The following SHANK2 variants were observed in gnomAD, a reference collection of about 807,000 sequenced individuals.
SHANK2 encodes SH3 and multiple ankyrin repeat domains protein 2.
Under a neutral mutation model 133.7 loss-of-function variants are expected in SHANK2, and 43 were observed. The ratio of observed to expected loss-of-function variants is 0.32; its 90% CI spans 0.25 to 0.41. SHANK2 has a LOEUF of 0.41. Among genes scored for constraint, SHANK2 ranks in the 10% least tolerant of loss-of-function variants. The pLI is 1.00. For missense variants in SHANK2, 1,994 were observed against 2,235.8 expected (o/e 0.89, Z 2.18); for synonymous variants, 1,017 against 952.8 (o/e 1.07, Z -1.24).
At chr11:70,759,121 C>T (rs1048166500) in intron 14 of SHANK2, among the ~76,000 whole-genome samples, 4 of 151,838 alleles carry the variant, frequency 2.6e-5, no homozygotes, top group African/African-American at 9.7e-5. Flanking sequence ...GCCGAGATCA[C>T]GCCACTGCAC....
intron 17 of SHANK2, among the ~76,000 whole-genome samples, chr11:70,549,545 C>T (rs1375831990): frequency 3.3e-5 from 5 of 152,194 alleles, no homozygotes; most frequent in Non-Finnish European, 5.9e-5. Flanking sequence ...CTTTGGTGCT[C>T]GAGGCAGTGT....
At chr11:71,161,951 G>C (rs1401110113) in intron 2 of SHANK2, among the ~76,000 whole-genome samples, 12 of 152,182 alleles carry the variant, frequency 7.9e-5, no homozygotes, top group African/African-American at 2.9e-4. Flanking sequence ...TCCACAGGCA[G>C]GGCAGCATCC....
At chr11:70,919,513 G>T (rs1304322120) in intron 10 of SHANK2, among the ~76,000 whole-genome samples, 1 of 152,008 alleles carries the variant, frequency 6.6e-6, no homozygotes, top group African/African-American at 2.4e-5. Context: ...CTCCCGAATA[G>T]CTGGGACTAA....
chr11:71,142,505 A>AAAAC (rs1177497718), intron 3 of SHANK2, among the ~76,000 whole-genome samples: 31 of 152,264 alleles, frequency 2.0e-4, no homozygotes, highest in Admixed American at 1.8e-3. Context: ...TCTTTCAATA[A>AAAAC]AAACAAACAA....
intron 3 of SHANK2, among the ~76,000 whole-genome samples, chr11:71,130,340 G>C (rs192858114): frequency 6.6e-6 from 1 of 152,202 alleles, no homozygotes; most frequent in Non-Finnish European, 1.5e-5. Context: ...GCGCCGAAAA[G>C]TATCCGGCCT....
At chr11:71,074,969 C>A (rs1951199754) in intron 9 of SHANK2, among the ~76,000 whole-genome samples, 190 bp downstream of exon 9, 1 of 151,962 alleles carries the variant, frequency 6.6e-6, no homozygotes, top group Non-Finnish European at 1.5e-5. Context: ...TTAGTAGAGA[C>A]AGGGTTTCAC....
chr11:70,935,281 C>T (rs1286272733), intron 10 of SHANK2, among the ~76,000 whole-genome samples: 2 of 152,242 alleles, frequency 1.3e-5, no homozygotes, highest in South Asian at 4.2e-4. Context: ...AGATGAAAAA[C>T]ACAGCCCATA....
intron 17 of SHANK2, among the ~76,000 whole-genome samples, chr11:70,593,280 A>G (rs2136281159): frequency 6.6e-6 from 1 of 152,352 alleles, no homozygotes; most frequent in East Asian, 1.9e-4. Flanking sequence ...TCTAACCTAC[A>G]GCCTGTTTTT....
At chr11:71,168,179 C>G (rs1396433681) in intron 2 of SHANK2, among the ~76,000 whole-genome samples, 3 of 136,108 alleles carry the variant, frequency 2.2e-5, no homozygotes, top group Admixed American at 2.1e-4. Context: ...CTCCTCACAT[C>G]CCGCACGGGG....
intron 17 of SHANK2, among the ~76,000 whole-genome samples, chr11:70,547,636 C>T (rs1050435242): frequency 2.0e-5 from 3 of 152,330 alleles, no homozygotes; most frequent in Admixed American, 6.5e-5. Context: ...CCCAGCTGGA[C>T]AGCGTGTCTG....
chr11:70,803,019 C>A (rs1327418576), intron 13 of SHANK2, among the ~76,000 whole-genome samples: 1 of 152,036 alleles, frequency 6.6e-6, no homozygotes, highest in African/African-American at 2.4e-5. Flanking sequence ...AGAGAGGGAG[C>A]GTGGCAGGTG....
intron 17 of SHANK2, among the ~76,000 whole-genome samples, chr11:70,628,418 T>G (rs1438509833): frequency 1.3e-5 from 2 of 152,140 alleles, no homozygotes; most frequent in Non-Finnish European, 2.9e-5. Context: ...CCCCCCTCTG[T>G]CCTACCCAGG....
intron 11 of SHANK2, among the ~76,000 whole-genome samples, chr11:70,852,253 A>T (rs1949097586): frequency 6.6e-6 from 1 of 152,188 alleles, no homozygotes; most frequent in Non-Finnish European, 1.5e-5. Flanking sequence ...CACAAAGAAA[A>T]CTGGCTCCTG....
At chr11:70,760,248 G>C (rs2134972619) in intron 14 of SHANK2, among the ~76,000 whole-genome samples, 1 of 152,318 alleles carries the variant, frequency 6.6e-6, no homozygotes, top group Non-Finnish European at 1.5e-5. Context: ...CATAACCTTA[G>C]CCAATGCATT....
intron 15 of SHANK2, among the ~76,000 whole-genome samples, chr11:70,677,155 A>G (rs376096082): frequency 2.6e-5 from 4 of 152,340 alleles, no homozygotes; most frequent in East Asian, 1.9e-4. Context: ...ATCAGAAGAT[A>G]CAGCCAAGGC....
chr11:70,783,493 G>A (rs1168125986), intron 14 of SHANK2, among the ~76,000 whole-genome samples: 2 of 152,126 alleles, frequency 1.3e-5, no homozygotes, highest in African/African-American at 4.8e-5. Flanking sequence ...GACAGCTGTT[G>A]GGAGAGAAGC....
intron 10 of SHANK2, among the ~76,000 whole-genome samples, chr11:70,946,146 T>C (rs1214767970): frequency 7.1e-6 from 1 of 141,212 alleles, no homozygotes; most frequent in African/African-American, 2.7e-5. Context: ...TAACTAACCC[T>C]TCCCAGGCTC....
intron 21 of SHANK2, among the ~76,000 whole-genome samples, chr11:70,496,005 G>A (rs184066982): frequency 1.3e-5 from 2 of 152,338 alleles, no homozygotes; most frequent in Admixed American, 1.3e-4. Flanking sequence ...GGTAAGCTCA[G>A]AGGCTAAGGT....
intron 5 of SHANK2, among the ~76,000 whole-genome samples, chr11:71,112,806 T>C (rs1951911028): frequency 6.9e-6 from 1 of 145,012 alleles, no homozygotes; most frequent in African/African-American, 2.4e-5. Context: ...TCTGGGACTC[T>C]GAGCTCAAGG....
Sources: gnomAD v4.1 joint callset for allele counts (sites outside exome capture counted in the v4.1 genomes callset) on GRCh38, gnomAD v4.1.1 for gene constraint, MANE v1.5 for transcripts, NCBI Gene and HGNC (gene_info 2026-07-23, HGNC 2026-07-21) for gene names.